The following SPOCK3 variants were observed in gnomAD, a reference collection of about 807,000 sequenced individuals.
SPOCK3 encodes the protein SPARC (osteonectin), cwcv and kazal like domains proteoglycan 3.
SPOCK3 carries 30 observed loss-of-function variants against 56.6 expected under a neutral mutation model. The observed-to-expected ratio is 0.53, with a 90% CI of 0.40 to 0.72. The LOEUF (loss-of-function observed/expected upper bound fraction) is 0.72, where lower values mean the gene tolerates loss of function less well. Among genes scored for constraint, SPOCK3 ranks in the 30% least tolerant of loss-of-function variants. The probability of loss-of-function intolerance (pLI) is 0.00; values close to 1 mark genes in which losing one functional copy is unlikely to be tolerated. For missense variants in SPOCK3, 527 were observed against 530.0 expected (o/e 0.99, Z 0.06); for synonymous variants, 196 against 183.3 (o/e 1.07, Z -0.56).
chr4:166,886,877 T>G (rs921977993), intron 6 of SPOCK3, among the ~76,000 whole-genome samples: 2 of 152,168 alleles, frequency 1.3e-5, no homozygotes, highest in East Asian at 1.9e-4. Context: ...TCTCTCAGCC[T>G]TTGGCACTGT....
intron 2 of SPOCK3, among the ~76,000 whole-genome samples, chr4:167,206,693 A>G (rs910976417): frequency 1.3e-5 from 2 of 152,104 alleles, no homozygotes; most frequent in African/African-American, 2.4e-5. Flanking sequence ...TTAAGACTCA[A>G]GTAATTCTGT....
At chr4:167,098,770 A>G (rs889383243) in intron 2 of SPOCK3, among the ~76,000 whole-genome samples, 2 of 151,416 alleles carry the variant, frequency 1.3e-5, no homozygotes, top group African/African-American at 4.9e-5. Context: ...GTTAACTCTC[A>G]CTCTTTGATA....
chr4:166,825,185 C>T (rs947497644), intron 6 of SPOCK3, among the ~76,000 whole-genome samples: 5 of 152,042 alleles, frequency 3.3e-5, no homozygotes, highest in Non-Finnish European at 5.9e-5. Flanking sequence ...TGAAGGTCTA[C>T]GTCTCAAGTA....
chr4:166,855,653 C>T (rs1364029590), intron 6 of SPOCK3, among the ~76,000 whole-genome samples: 1 of 152,184 alleles, frequency 6.6e-6, no homozygotes, highest in Non-Finnish European at 1.5e-5. Context: ...TCTTATTTAA[C>T]CTTACTTAAT....
Position 166,804,025 on chromosome 4 carries a change from A to G in SPOCK3, c.590-11736T>C, listed in dbSNP as rs1006202435. Among the ~76,000 whole-genome samples, 4 of 152,152 alleles carry G rather than the reference A, an allele frequency of 2.6e-5. No individual in the cohort carries two copies. In the South Asian group the frequency reaches 6.2e-4, roughly 24 times the overall value. Reference sequence around the variant, plus strand: ...AAAGAAGGGTTCACTAGCAGCTTCTATGGGATGAAGGGGGTTCGAAGACTT... The same window carrying G: ...AAAGAAGGGTTCACTAGCAGCTTCTGTGGGATGAAGGGGGTTCGAAGACTT... On this transcript the variant is annotated intron_variant, in intron 6 of 10. Coordinates refer to ENST00000357545, the MANE Select transcript of SPOCK3 (RefSeq NM_001040159.2).
At chr4:167,134,956 A>G (rs1161608247) in intron 2 of SPOCK3, among the ~76,000 whole-genome samples, 1 of 151,948 alleles carries the variant, frequency 6.6e-6, no homozygotes, top group Admixed American at 6.6e-5. Context: ...TTCTATTTAG[A>G]GTTTCCAGAT....
At chr4:167,157,834 C>T (rs1764949104) in intron 2 of SPOCK3, among the ~76,000 whole-genome samples, 1 of 151,772 alleles carries the variant, frequency 6.6e-6, no homozygotes, top group African/African-American at 2.4e-5. Flanking sequence ...AAATCTGCCA[C>T]CCCTTCTGCC....
chr4:167,147,341 G>GTGA (rs1764048314), intron 2 of SPOCK3, among the ~76,000 whole-genome samples: 1 of 152,078 alleles, frequency 6.6e-6, no homozygotes, highest in African/African-American at 2.4e-5. Flanking sequence ...AAAAAGTCCA[G>GTGA]GACCAGTTGG....
intron 3 of SPOCK3, among the ~76,000 whole-genome samples, chr4:167,005,981 T>C (rs760886202): frequency 1.3e-5 from 2 of 152,192 alleles, no homozygotes; most frequent in African/African-American, 2.4e-5. Flanking sequence ...ACACAAATCA[T>C]ATTGATTTTT....
intron 4 of SPOCK3, among the ~76,000 whole-genome samples, chr4:166,949,717 G>A (rs1365565699): frequency 6.6e-6 from 1 of 152,110 alleles, no homozygotes; most frequent in Non-Finnish European, 1.5e-5. Context: ...TCTCAGAGGA[G>A]TACCCGGCTG....
At chr4:166,754,849 G>C in intron 7 of SPOCK3, 120 bp from the exon 8 acceptor site, 1 of 824,784 alleles carries the variant, frequency 1.2e-6, no homozygotes, top group South Asian at 1.7e-5. Flanking sequence ...TAGAGAAGTA[G>C]AGCATTAAAT....
chr4:166,853,946 G>A (rs1730397454), intron 6 of SPOCK3, among the ~76,000 whole-genome samples: 1 of 151,304 alleles, frequency 6.6e-6, no homozygotes, highest in Admixed American at 6.6e-5. Context: ...AACAAAATTA[G>A]CCAAAAACAA....
chr4:166,908,394 A>T (rs1736864803), intron 5 of SPOCK3, among the ~76,000 whole-genome samples: 1 of 151,382 alleles, frequency 6.6e-6, no homozygotes, highest in African/African-American at 2.4e-5. Context: ...CATAAAAGTC[A>T]CATGAGGAGT....
chr4:167,042,158 AG>A lies in SPOCK3; in HGVS notation c.235+20333del, dbSNP rs1753284442. The stretch of plus-strand genomic sequence containing the variant: ...TTAGCACTGGCAGAGAATTGATTCC[AG>A]GATCTCCAGAAGACACAAAAATTTG... On this transcript the variant is annotated intron_variant, in intron 3 of 10. Coordinates refer to ENST00000357545, the MANE Select transcript of SPOCK3 (RefSeq NM_001040159.2). Among the ~76,000 whole-genome samples the A allele has an allele frequency of 2.0e-5, 3 of 152,286 alleles. No individual in the cohort carries two copies. The South Asian group carries it at 6.2e-4, about 32-fold the overall frequency.
intron 2 of SPOCK3, among the ~76,000 whole-genome samples, chr4:167,096,826 C>T (rs549071397): frequency 6.6e-6 from 1 of 151,838 alleles, no homozygotes; most frequent in Admixed American, 6.6e-5. Flanking sequence ...TTTCTGCCTG[C>T]TTGATATATC....
At chr4:166,736,004 C>T (rs551409992) in intron 10 of SPOCK3, among the ~76,000 whole-genome samples, 1 of 152,062 alleles carries the variant, frequency 6.6e-6, no homozygotes, top group African/African-American at 2.4e-5. Context: ...GACTTTTCAA[C>T]TCCTCAAATG....
chr4:167,072,820 T>C (rs1040093716), intron 2 of SPOCK3, among the ~76,000 whole-genome samples: 3 of 151,876 alleles, frequency 2.0e-5, no homozygotes, highest in South Asian at 4.1e-4. Flanking sequence ...TGATGTACTA[T>C]ATAGAAAAAA....
At chr4:167,200,041 A>G (rs1159497825) in intron 2 of SPOCK3, among the ~76,000 whole-genome samples, 1 of 152,102 alleles carries the variant, frequency 6.6e-6, no homozygotes, top group Non-Finnish European at 1.5e-5. Flanking sequence ...TAGACAAGAA[A>G]GTACTTTTTT....
At chr4:167,005,127 G>A (rs1749333437) in intron 3 of SPOCK3, among the ~76,000 whole-genome samples, 1 of 152,008 alleles carries the variant, frequency 6.6e-6, no homozygotes. Context: ...CACATTTTTG[G>A]GCTGGAACAG....
Sources: allele counts gnomAD v4.1 joint callset (sites outside exome capture counted in the v4.1 genomes callset), GRCh38; gene constraint gnomAD v4.1.1; transcripts MANE v1.5; gene names NCBI Gene and HGNC (gene_info 2026-07-23, HGNC 2026-07-21).